The following ERG variants were observed in gnomAD, a reference collection of about 807,000 sequenced individuals.
The protein encoded by ERG is ETS transcription factor ERG, also known as transcriptional regulator ERG.
ERG carries 9 observed loss-of-function variants against 55.3 expected under a neutral mutation model. The ratio of observed to expected loss-of-function variants is 0.16; its 90% confidence interval spans 0.10 to 0.28. The LOEUF (loss-of-function observed/expected upper bound fraction) is 0.28, where lower values mean the gene tolerates loss of function less well. Among genes scored for constraint, ERG ranks in the 10% least tolerant of loss-of-function variants. ERG has a pLI of 1.00. For synonymous variants in ERG, 223 were observed against 237.3 expected (o/e 0.94, Z 0.55); for missense variants, 434 against 631.6 (o/e 0.69, Z 3.35).
intron 8 of ERG, among the ~76,000 whole-genome samples, 174 bp downstream of exon 8, chr21:38,391,485 T>A (rs928056575): frequency 2.0e-5 from 3 of 152,236 alleles, no homozygotes; most frequent in African/African-American, 4.8e-5. Context: ...TTTAGCACCA[T>A]CTCAAGTCAC....
At chr21:38,630,578 T>C (rs925349902) in intron 1 of ERG, among the ~76,000 whole-genome samples, 4 of 152,206 alleles carry the variant, frequency 2.6e-5, no homozygotes, top group Middle Eastern at 3.2e-3. Context: ...GGTCACATAG[T>C]TGCACATGGC....
At chr21:38,585,704 C>T (rs2060059938), upstream of ERG, among the ~76,000 whole-genome samples, 1 of 151,892 alleles carries the variant, frequency 6.6e-6, no homozygotes, top group South Asian at 2.1e-4. Context: ...ATCTTAAGCA[C>T]TGCATCAAAT....
chr21:38,642,342 T>G (rs1270658871), intron 1 of ERG, among the ~76,000 whole-genome samples: 2 of 152,274 alleles, frequency 1.3e-5, no homozygotes, highest in East Asian at 3.8e-4. Flanking sequence ...TTTGTTCATC[T>G]GTATGCTCAC....
chr21:38,530,259 C>A (rs1232971470), intron 2 of ERG, among the ~76,000 whole-genome samples: 1 of 151,980 alleles, frequency 6.6e-6, no homozygotes, highest in South Asian at 2.1e-4. Context: ...AGGGTTTCAT[C>A]GTGTTGGCCA....
intron 1 of ERG, among the ~76,000 whole-genome samples, chr21:38,447,427 C>A (rs2058902327): frequency 6.6e-6 from 1 of 150,554 alleles, no homozygotes; most frequent in Non-Finnish European, 1.5e-5. Context: ...CAGAATCAGG[C>A]ACAAGGGAAA....
At chr21:38,536,070 G>A (rs1739999612) in intron 2 of ERG, among the ~76,000 whole-genome samples, 1 of 152,068 alleles carries the variant, frequency 6.6e-6, no homozygotes, top group South Asian at 2.1e-4. Context: ...TGGACCATGA[G>A]CAATTAGCCC....
At chr21:38,640,612 C>T (rs1420098919) in intron 1 of ERG, among the ~76,000 whole-genome samples, 5 of 152,276 alleles carry the variant, frequency 3.3e-5, no homozygotes, top group South Asian at 4.1e-4. Flanking sequence ...ATCTGTCTTG[C>T]CTGCCGCCAT....
chr21:38,518,958 G>A (rs1243140636), intron 2 of ERG, among the ~76,000 whole-genome samples: 1 of 152,122 alleles, frequency 6.6e-6, no homozygotes, highest in African/African-American at 2.4e-5. Flanking sequence ...ACACAAGTCA[G>A]AATACACACA....
chr21:38,541,434 A>C (rs1458841600), intron 2 of ERG, among the ~76,000 whole-genome samples: 2 of 152,182 alleles, frequency 1.3e-5, no homozygotes, highest in Non-Finnish European at 2.9e-5. Context: ...ACTTGATTAC[A>C]CTTCATTTAT....
chr21:38,544,832 T>C (rs2836498), intron 2 of ERG, among the ~76,000 whole-genome samples: 76,760 of 151,882 alleles, frequency 0.51, 20,715 homozygotes, highest in Non-Finnish European at 0.62. Flanking sequence ...CATGAAGCTC[T>C]CTCCTTCTTT....
intron 2 of ERG, among the ~76,000 whole-genome samples, chr21:38,510,949 G>A (rs1346230176): frequency 4.6e-5 from 7 of 152,154 alleles, no homozygotes; most frequent in African/African-American, 2.4e-5. Flanking sequence ...GAAGATTTCT[G>A]ATCTTTAACA....
At chr21:38,413,674 A>T (rs2146480459) in intron 3 of ERG, among the ~76,000 whole-genome samples, 1 of 152,244 alleles carries the variant, frequency 6.6e-6, no homozygotes, top group African/African-American at 2.4e-5. Context: ...ACCATTCTCA[A>T]GTAATCATCT....
chr21:38,552,268 C>T (rs2059829290), intron 2 of ERG, among the ~76,000 whole-genome samples: 1 of 152,108 alleles, frequency 6.6e-6, no homozygotes, highest in Non-Finnish European at 1.5e-5. Context: ...CAAAGAGCTA[C>T]TACCAATCCT....
chr21:38,583,059 C>A (rs2060039732), intron 1 of ERG, among the ~76,000 whole-genome samples: 1 of 152,192 alleles, frequency 6.6e-6, no homozygotes, highest in Admixed American at 6.5e-5. Flanking sequence ...TAAGTGAAAA[C>A]ATTGTAGGCA....
chr21:38,489,774 G>T (rs368502822), intron 1 of ERG, among the ~76,000 whole-genome samples: 2 of 152,178 alleles, frequency 1.3e-5, no homozygotes, highest in Non-Finnish European at 2.9e-5. Flanking sequence ...AACCTGCACC[G>T]TCCCAGATTT....
chr21:38,515,593 A>T (rs2059545745), intron 2 of ERG, among the ~76,000 whole-genome samples: 1 of 152,048 alleles, frequency 6.6e-6, no homozygotes, highest in Non-Finnish European at 1.5e-5. Context: ...TTACCCTCAT[A>T]ACAAAATCAG....
intron 1 of ERG, among the ~76,000 whole-genome samples, chr21:38,466,468 T>G (rs185736443): frequency 1.9e-4 from 29 of 152,244 alleles, no homozygotes; most frequent in Admixed American, 1.8e-3. Flanking sequence ...AAAAGTACAG[T>G]TTGTTTCACA....
At chr21:38,560,351 C>T (rs936340943) in intron 2 of ERG, among the ~76,000 whole-genome samples, 8 of 152,112 alleles carry the variant, frequency 5.3e-5, no homozygotes, top group African/African-American at 1.9e-4. Flanking sequence ...GAACAACCTC[C>T]AGCTGTTCAC....
intron 1 of ERG, among the ~76,000 whole-genome samples, chr21:38,661,412 C>T (rs978587033): frequency 1.3e-5 from 2 of 152,158 alleles, no homozygotes; most frequent in African/African-American, 2.4e-5. Context: ...GCGCGGTGCC[C>T]GGGACCTCGG....
Sources: allele counts gnomAD v4.1 joint callset (sites outside exome capture counted in the v4.1 genomes callset), GRCh38; gene constraint gnomAD v4.1.1; transcripts MANE v1.5; gene names NCBI Gene and HGNC (gene_info 2026-07-23, HGNC 2026-07-21).